The following ROBO2 variants were observed in gnomAD, a reference collection of about 807,000 sequenced individuals.
ROBO2 encodes roundabout guidance receptor 2.
In ROBO2, 53 loss-of-function variants were observed where a neutral mutation model predicts 160.8. The ratio of observed to expected loss-of-function variants is 0.33; its 90% CI spans 0.26 to 0.41. ROBO2 has a LOEUF of 0.41. Ranked by LOEUF, ROBO2 falls within the 10% of genes least tolerant of loss-of-function variation. The pLI, the probability that ROBO2 is intolerant of heterozygous loss-of-function variation, is 1.00. For missense variants in ROBO2, 1,577 were observed against 1,722.4 expected (o/e 0.92, Z 1.49); for synonymous variants, 664 against 611.7 (o/e 1.09, Z -1.26).
chr3:77,549,327 T>C (rs2092825394), intron 7 of ROBO2, among the ~76,000 whole-genome samples: 1 of 152,022 alleles, frequency 6.6e-6, no homozygotes, highest in South Asian at 2.1e-4. Flanking sequence ...GTGTGCACTT[T>C]GAGTTATTGT....
chr3:77,519,323 T>C (rs889724492), intron 5 of ROBO2, among the ~76,000 whole-genome samples: 3 of 151,414 alleles, frequency 2.0e-5, no homozygotes, highest in Admixed American at 6.6e-5. Context: ...ATGTATTTAG[T>C]AATTTTTAAA....
At chr3:76,239,396 G>A (rs1165003248) in intron 2 of ROBO2, among the ~76,000 whole-genome samples, 1 of 151,368 alleles carries the variant, frequency 6.6e-6, no homozygotes, top group Non-Finnish European at 1.5e-5. Context: ...TATGTATCTA[G>A]ATAATGTGTA....
chr3:76,687,085 G>A (rs1053227560), intron 2 of ROBO2, among the ~76,000 whole-genome samples: 19 of 151,882 alleles, frequency 1.3e-4, no homozygotes. Context: ...TCATGTATAG[G>A]TTTAAATGTT....
rs114329325 is a variant in ROBO2, at chr3:76,458,638, G to A, written c.109+521036G>A. ...ATTTACCGTATTATTCTGTTTTCACGCTGCTGATAAAGACATATCCAAGAC... is the reference window on the plus strand; with the variant it reads ...ATTTACCGTATTATTCTGTTTTCACACTGCTGATAAAGACATATCCAAGAC... On this transcript the variant is annotated intron_variant, in intron 2 of 26. Transcript: ENST00000487694. 4.7e-3 allele frequency among the ~76,000 whole-genome samples: 722 copies of A among 152,116 alleles called. 3 individuals carry two copies. Among genetic ancestry groups the A allele is most frequent in the Admixed American group, 0.013 (201 of 15,272 alleles).
At position 77,451,377 on chromosome 3, in the gene ROBO2, A is replaced by C. The variant is rs1292827130; in HGVS notation, c.389-26037A>C. On this transcript the variant is annotated intron_variant, in intron 2 of 25. Coordinates refer to ENST00000461745, the Ensembl canonical transcript of ROBO2. The stretch of plus-strand genomic sequence containing the variant: ...TTCCTCCTCCCATTCTAAAATTATT[A>C]TGATTTTATAGTATTTTTCTTTGAA... Among the ~76,000 whole-genome samples the C allele has an allele frequency of 2.0e-5, 3 of 152,224 alleles. No individual in the cohort carries two copies. In the East Asian group the frequency reaches 5.8e-4, roughly 29 times the overall value.
chr3:76,618,509 C>T (rs2088781148), intron 2 of ROBO2, among the ~76,000 whole-genome samples: 1 of 150,882 alleles, frequency 6.6e-6, no homozygotes, highest in Non-Finnish European at 1.5e-5. Flanking sequence ...CTCATCTCTC[C>T]TTATGCTATA....
intron 2 of ROBO2, among the ~76,000 whole-genome samples, chr3:77,430,038 A>G (rs2078619180): frequency 1.3e-5 from 2 of 152,108 alleles, no homozygotes; most frequent in Non-Finnish European, 2.9e-5. Context: ...TATCCCTAGA[A>G]ACATGGCACA....
chr3:76,743,440 C>A (rs2108076755), intron 2 of ROBO2, among the ~76,000 whole-genome samples: 1 of 152,206 alleles, frequency 6.6e-6, no homozygotes, highest in Admixed American at 6.6e-5. Context: ...TGTACATGTA[C>A]ATCCTGAATC....
At chr3:77,361,814 A>G (rs935281221) in intron 2 of ROBO2, among the ~76,000 whole-genome samples, 1 of 152,162 alleles carries the variant, frequency 6.6e-6, no homozygotes, top group African/African-American at 2.4e-5. Flanking sequence ...ATCTCTAAAA[A>G]TGTGTGTAAT....
chr3:77,443,503 C>T (rs920238521), intron 2 of ROBO2, among the ~76,000 whole-genome samples: 1 of 151,998 alleles, frequency 6.6e-6, no homozygotes, highest in South Asian at 2.1e-4. Context: ...TTAGTAGTAC[C>T]ATGAAACAGT....
intron 2 of ROBO2, among the ~76,000 whole-genome samples, chr3:77,010,841 CCTCCCTCCCTCT>C (rs1185903025): frequency 6.0e-5 from 4 of 66,708 alleles, no homozygotes; most frequent in African/African-American, 1.6e-4. Context: ...TTCCTCCCTC[CCTCCCTCCCTCT>C]CTCCCTCCCT....
At chr3:76,622,803 A>G (rs1578631547) in intron 2 of ROBO2, among the ~76,000 whole-genome samples, 1 of 152,272 alleles carries the variant, frequency 6.6e-6, no homozygotes, top group South Asian at 2.1e-4. Context: ...TTGGCTTACA[A>G]TGTGGTTTCT....
intron 9 of ROBO2, 21 bp downstream of exon 10, chr3:77,558,170 A>G: frequency 6.3e-7 from 1 of 1,596,186 alleles, no homozygotes. Flanking sequence ...TTGGACTTGT[A>G]CATGAATTAT....
At chr3:76,648,979 T>A (rs1178850593) in intron 2 of ROBO2, among the ~76,000 whole-genome samples, 1 of 152,130 alleles carries the variant, frequency 6.6e-6, no homozygotes, top group African/African-American at 2.4e-5. Context: ...TGCCTCTAAG[T>A]CAAATATTTT....
chr3:76,457,499 T>C (rs2077830545), intron 2 of ROBO2, among the ~76,000 whole-genome samples: 1 of 152,152 alleles, frequency 6.6e-6, no homozygotes, highest in Admixed American at 6.5e-5. Flanking sequence ...GCTGCTTTCA[T>C]GGACTGACAT....
chr3:77,152,744 A>G (rs1429163014), intron 2 of ROBO2, among the ~76,000 whole-genome samples: 1 of 152,330 alleles, frequency 6.6e-6, no homozygotes, highest in Non-Finnish European at 1.5e-5. Flanking sequence ...TGCCTATGAC[A>G]TAGATTCTTT....
At chr3:76,798,089 C>A (rs2063834070) in intron 2 of ROBO2, among the ~76,000 whole-genome samples, 1 of 90,972 alleles carries the variant, frequency 1.1e-5, no homozygotes, top group Non-Finnish European at 2.4e-5. Flanking sequence ...CAAAAACAGA[C>A]AAAGACACAT....
At chr3:77,342,968 C>G (rs945201112) in intron 2 of ROBO2, among the ~76,000 whole-genome samples, 12 of 152,098 alleles carry the variant, frequency 7.9e-5, no homozygotes, top group African/African-American at 2.4e-4. Flanking sequence ...GAGGTACAGG[C>G]ACGGTCAGGT....
intron 2 of ROBO2, among the ~76,000 whole-genome samples, chr3:76,657,701 CAT>C (rs1183274973): frequency 6.0e-5 from 8 of 134,054 alleles, no homozygotes; most frequent in African/African-American, 2.4e-4. Context: ...TATATATATT[CAT>C]ATATGTGTGT....
Sources: allele counts gnomAD v4.1 joint callset (sites outside exome capture counted in the v4.1 genomes callset), GRCh38; gene constraint gnomAD v4.1.1; transcripts MANE v1.5; gene names NCBI Gene and HGNC (gene_info 2026-07-23, HGNC 2026-07-21).